EBF3: variants seen among roughly 807,000 people sequenced by gnomAD.
EBF3 encodes the protein EBF transcription factor 3.
A neutral mutation model predicts 77.1 loss-of-function variants in EBF3; 18 were observed. The ratio of observed to expected loss-of-function variants is 0.23; its 90% CI spans 0.16 to 0.35. The LOEUF (loss-of-function observed/expected upper bound fraction) is 0.35, where lower values mean the gene tolerates loss of function less well. Among genes scored for constraint, EBF3 ranks in the 10% least tolerant of loss-of-function variants. The probability of loss-of-function intolerance (pLI) is 1.00; values close to 1 mark genes in which losing one functional copy is unlikely to be tolerated. For synonymous variants in EBF3, 350 were observed against 343.5 expected, an observed-to-expected ratio of 1.02 and a Z score of -0.21; for missense variants, 558 against 860.0, an observed-to-expected ratio of 0.65 and a Z score of 4.39.
chr10:129,963,735 C>T lies in EBF3; in HGVS notation c.34G>A (p.Gly12Arg). The change falls in exon 1 of 17, where the codon GGG (glycine) becomes AGG (arginine). Residue 12 changes from glycine to arginine, a missense_variant. Around this residue, in one of 5 missense-constraint regions of EBF3, gnomAD observed 64 missense variants for 54.5 expected, o/e 1.18. Transcript: ENST00000440978. This position sits in a 1 kb window ranked among gnomAD's most constrained non-coding sequence, Gnocchi z 7.1. Reference protein sequence around the residue: ...FGIQENIPRGGTTMKEEPLGS... With the variant: ...FGIQENIPRGRTTMKEEPLGS... ...AGCGGCTCCTCCTTCATGGTCGTCCCCCCGCGCGGAATATTCTCCTGAATC... is the reference window on the plus strand; with the variant it reads ...AGCGGCTCCTCCTTCATGGTCGTCCTCCCGCGCGGAATATTCTCCTGAATC... 1 of 1,534,810 alleles carries T rather than the reference C, an allele frequency of 6.5e-7. No individual in the cohort carries two copies. The highest frequency in any genetic ancestry group is 8.8e-7 in the Non-Finnish European group (1 of 1,133,682).
At chr10:129,866,958 C>T (rs912125079) in intron 10 of EBF3, among the ~76,000 whole-genome samples, 183 bp downstream of exon 10, 22 of 152,240 alleles carry the variant, frequency 1.4e-4, no homozygotes, top group South Asian at 4.1e-4. Context: ...CGGCTTCATA[C>T]GCCATCTCAA....
intron 6 of EBF3, among the ~76,000 whole-genome samples, chr10:129,921,215 T>G (rs201281146): frequency 0.11 from 16,536 of 151,994 alleles, 951 homozygotes; most frequent in South Asian, 0.21. Flanking sequence ...GGGCAAGGGG[T>G]CCCTGAAGCA....
chr10:129,913,388 T>C (rs1194058989), intron 6 of EBF3, among the ~76,000 whole-genome samples: 1 of 152,264 alleles, frequency 6.6e-6, no homozygotes, highest in Non-Finnish European at 1.5e-5. Context: ...CTTTCTGCAC[T>C]CACAGAGCTG....
intron 6 of EBF3, among the ~76,000 whole-genome samples, chr10:129,945,963 G>A (rs749726516): frequency 6.6e-6 from 1 of 151,638 alleles, no homozygotes; most frequent in Non-Finnish European, 1.5e-5. Context: ...TTTTATTCAG[G>A]GCATTAGTAA....
Position 129,962,975 on chromosome 10 carries a change from T to C in EBF3, c.322A>G (p.Ile108Val). The C allele has an allele frequency of 6.2e-7, 1 of 1,614,168 alleles. No individual in the cohort carries two copies. Among genetic ancestry groups the C allele is most frequent in the Non-Finnish European group, 8.5e-7 (1 of 1,180,024 alleles). ...EPNNEKTNNG[I>V]HYKLQLLYSN... The stretch of plus-strand genomic sequence containing the variant: ...TACAATAACTGGAGTTTATAGTGGA[T>C]GCCGTTGTTGGTTTTCTCGTTGTTT... Residue 108 changes from isoleucine (I) to valine (V), a missense_variant, in exon 3 of 17, where the codon ATC becomes GTC. By Grantham distance (29) the Ile-to-Val change is conservative. Coordinates refer to ENST00000440978, the MANE Select transcript of EBF3 (RefSeq NM_001375380.1).
chr10:129,868,991 G>A (rs1030900421), intron 8 of EBF3, among the ~76,000 whole-genome samples: 18 of 152,204 alleles, frequency 1.2e-4, no homozygotes, highest in African/African-American at 3.9e-4. Context: ...TAGGTGAGCT[G>A]GGAGGTTACC....
At chr10:129,918,067 CT>C (rs1029728655) in intron 6 of EBF3, among the ~76,000 whole-genome samples, 3 of 152,226 alleles carry the variant, frequency 2.0e-5, no homozygotes, top group African/African-American at 7.2e-5. Flanking sequence ...AAGCCTGCCC[CT>C]GGTCACACAG....
chr10:129,918,801 G>A (rs1401425943), intron 6 of EBF3, among the ~76,000 whole-genome samples: 1 of 152,214 alleles, frequency 6.6e-6, no homozygotes, highest in African/African-American at 2.4e-5. Flanking sequence ...TGGAATCAGG[G>A]GAGACTCTTG....
chr10:129,958,756 TG>T (rs1036158232), intron 5 of EBF3, among the ~76,000 whole-genome samples, 177 bp downstream of exon 5: 11 of 152,102 alleles, frequency 7.2e-5, no homozygotes, highest in African/African-American at 2.4e-4. Flanking sequence ...TCGTCAGCGC[TG>T]GGGGGAAGGA....
chr10:129,857,961 G>A (rs1222680854), intron 10 of EBF3, among the ~76,000 whole-genome samples: 5 of 152,248 alleles, frequency 3.3e-5, no homozygotes, highest in Admixed American at 6.5e-5. Context: ...TTGTCCTACA[G>A]ATCATTCCCG....
chr10:129,862,517 CG>C, intron 10 of EBF3, among the ~76,000 whole-genome samples: 1 of 152,106 alleles, frequency 6.6e-6, no homozygotes. Flanking sequence ...ATCAACCATC[CG>C]GGTGCAAGAA....
intron 10 of EBF3, among the ~76,000 whole-genome samples, chr10:129,858,846 G>A (rs1851428937): frequency 6.6e-6 from 1 of 152,182 alleles, no homozygotes; most frequent in Admixed American, 6.5e-5. Context: ...AGAGTGCAGG[G>A]AGAGGGTGGC....
chr10:129,873,708 G>A (rs1026196793), intron 7 of EBF3, 112 bp from the exon 8 acceptor site: 1 of 1,172,412 alleles, frequency 8.5e-7, no homozygotes, highest in Non-Finnish European at 1.1e-6. Context: ...AATTTCACGT[G>A]TTCCTGGACA....
chr10:129,922,034 A>G (rs1856348753), intron 6 of EBF3, among the ~76,000 whole-genome samples: 1 of 152,224 alleles, frequency 6.6e-6, no homozygotes, highest in South Asian at 2.1e-4. Context: ...GTCCCAGAGT[A>G]GCATAGGCTC....
chr10:129,886,710 C>T (rs7911984), intron 6 of EBF3, among the ~76,000 whole-genome samples: 129,928 of 152,066 alleles, frequency 0.85, 55,687 homozygotes, highest in African/African-American at 0.92. Flanking sequence ...CAAGAGCTCC[C>T]GACATTCAGA....
intron 10 of EBF3, among the ~76,000 whole-genome samples, chr10:129,859,488 G>A (rs11016978): frequency 6.6e-6 from 1 of 152,316 alleles, no homozygotes; most frequent in Admixed American, 6.5e-5. Flanking sequence ...GCCTCCCAAA[G>A]TGCTGGGATT....
At chr10:129,877,567 T>G (rs1305509430) in intron 7 of EBF3, among the ~76,000 whole-genome samples, 1 of 152,032 alleles carries the variant, frequency 6.6e-6, no homozygotes, top group African/African-American at 2.4e-5. Context: ...CACATTAGAC[T>G]TGATGAATCT....
Position 129,839,049 on chromosome 10 carries a change from T to C in EBF3, c.1872+34A>G, listed in dbSNP as rs775611947. ...GGGCGTCCCTTCATACGCTAACGGA[T>C]GTTGTGAAGACAATGATTTCAAATC... is the stretch of plus-strand genomic sequence containing the variant. On this transcript the variant is annotated intron_variant, in intron 16 of 16. Transcript: ENST00000440978. The C allele has an allele frequency of 4.6e-6, 6 of 1,304,096 alleles. No homozygotes were observed. In the South Asian group the frequency reaches 6.2e-5, roughly 13 times the overall value. The allele number at this position is 1,304,096 out of a possible 1,614,324, so 80.8% of individuals were successfully genotyped here.
chr10:129,909,229 G>A (rs189656075), intron 6 of EBF3, among the ~76,000 whole-genome samples: 39 of 152,328 alleles, frequency 2.6e-4, no homozygotes, highest in African/African-American at 8.9e-4. Context: ...GACATGGAGG[G>A]ATAGGCCCTC....
Sources: gnomAD v4.1 joint callset for allele counts (sites outside exome capture counted in the v4.1 genomes callset) on GRCh38, gnomAD v4.1.1 for gene constraint, gnomAD v4.1.1 regional missense constraint, Gnocchi (gnomAD v3.1) non-coding constraint, MANE v1.5 for transcripts, NCBI Gene and HGNC (gene_info 2026-07-23, HGNC 2026-07-21) for gene names.